The following TPP2 variants were observed in gnomAD, a reference collection of about 807,000 sequenced individuals.
The protein encoded by TPP2 is tripeptidyl-peptidase 2.
In TPP2, 34 loss-of-function variants were observed where a neutral mutation model predicts 155.9. The observed-to-expected ratio is 0.22, with a 90% CI of 0.17 to 0.29. The LOEUF (loss-of-function observed/expected upper bound fraction) is 0.29, where lower values mean the gene tolerates loss of function less well. TPP2 is among the 10% of genes least tolerant of loss of function. The pLI is 1.00. For synonymous variants in TPP2, 510 were observed against 529.4 expected, an observed-to-expected ratio of 0.96 and a Z score of 0.50; for missense variants, 1,028 against 1,522.3, an observed-to-expected ratio of 0.68 and a Z score of 5.40.
chr13:102,674,387 C>T lies in TPP2; in HGVS notation c.3476C>T (p.Ser1159Phe). Residue 1159 changes from serine to phenylalanine, a missense_variant, in exon 28 of 30, where the codon TCC becomes TTC. By Grantham distance (155) the Ser-to-Phe change is radical. Coordinates refer to ENST00000376052, the MANE Select transcript of TPP2 (RefSeq NM_001330588.2). ...ACCCAGGCTCAAGACGGAGCCATTT[C>T]CACTGATGCAGAAGGAAAGGAGGAG... ...LHTQAQDGAI[S>F]TDAEGKEEEG... The T allele has an allele frequency of 6.2e-6, 10 of 1,613,948 alleles. No homozygotes were observed. Among genetic ancestry groups the T allele is most frequent in the Non-Finnish European group, 8.5e-6 (10 of 1,179,896 alleles).
intron 27 of TPP2, among the ~76,000 whole-genome samples, chr13:102,673,975 A>G (rs527628241): frequency 6.6e-6 from 1 of 152,214 alleles, no homozygotes; most frequent in Non-Finnish European, 1.5e-5. Flanking sequence ...TTACCTGATT[A>G]AGAGTTATAT....
intron 1 of TPP2, among the ~76,000 whole-genome samples, chr13:102,600,969 CA>C (rs1438334539): frequency 4.6e-5 from 7 of 151,934 alleles, no homozygotes; most frequent in African/African-American, 1.7e-4. Context: ...CCACTCATTT[CA>C]GCCTCAAACT....
rs1239833790 is a variant in TPP2, at chr13:102,646,373, A to G, written c.2473A>G (p.Thr825Ala). Residue 825 changes from threonine to alanine, a missense_variant, in exon 20 of 30, where the codon ACA (threonine) becomes GCA (alanine). Transcript: ENST00000376052. ...NNRQLYEMVL[T>A]YNFHQPKSGE... ...CCGTCAACTTTATGAGATGGTCCTG[A>G]CATATAACTTTCATCAAGTAAGTGT... The G allele has an allele frequency of 6.2e-7, 1 of 1,612,326 alleles. No individual in the cohort carries two copies. The highest frequency in any genetic ancestry group is 8.5e-7 in the Non-Finnish European group (1 of 1,179,394).
At chr13:102,669,220 A>G (rs1402687260) in intron 27 of TPP2, among the ~76,000 whole-genome samples, 1 of 152,168 alleles carries the variant, frequency 6.6e-6, no homozygotes, top group Non-Finnish European at 1.5e-5. Flanking sequence ...TTCTGCCAGT[A>G]GTGTTGCAGG....
Position 102,647,094 on chromosome 13 carries a change from A to G in TPP2, c.2491-113A>G, listed in dbSNP as rs554424591. ...TATATTTTCAAAATTTTTTACCACAAGTATTTTTAATGTTTTTTAAATGAA... is the reference window on the plus strand; with the variant it reads ...TATATTTTCAAAATTTTTTACCACAGGTATTTTTAATGTTTTTTAAATGAA... On this transcript the variant is annotated intron_variant, in intron 20 of 29. Transcript: ENST00000376052. 3.8e-6 allele frequency: 5 copies of G among 1,310,902 alleles called. No homozygotes were observed. The Admixed American group carries it at 1.5e-4, about 39-fold the overall frequency. 81.2% of individuals were successfully genotyped at this position (1,310,902 alleles called of 1,614,324 possible). A position where few individuals can be genotyped will look rare whatever the true frequency, so the allele number is the denominator to read the frequency against.
chr13:102,623,423 C>T (rs1030610595), intron 6 of TPP2, among the ~76,000 whole-genome samples: 3 of 152,076 alleles, frequency 2.0e-5, no homozygotes, highest in Admixed American at 6.5e-5. Context: ...ATTAGCTGTG[C>T]GTGGTGGCAC....
intron 10 of TPP2, among the ~76,000 whole-genome samples, chr13:102,633,687 T>G (rs1882176222): frequency 1.3e-5 from 2 of 152,226 alleles, no homozygotes; most frequent in Non-Finnish European, 2.9e-5. Context: ...CACTGTGGCC[T>G]GTCACACATG....
chr13:102,639,391 G>A (rs758257020), intron 15 of TPP2, among the ~76,000 whole-genome samples: 3 of 152,086 alleles, frequency 2.0e-5, no homozygotes, highest in Non-Finnish European at 4.4e-5. Flanking sequence ...TTAAAAAGTG[G>A]TATACATGTG....
chr13:102,670,429 G>A (rs1241331229), intron 27 of TPP2, among the ~76,000 whole-genome samples: 1 of 152,170 alleles, frequency 6.6e-6, no homozygotes, highest in Non-Finnish European at 1.5e-5. Flanking sequence ...TAACTAGCTG[G>A]GTACAGGGAG....
At chr13:102,632,096 A>C (rs758634246) in intron 10 of TPP2, among the ~76,000 whole-genome samples, 23 of 152,340 alleles carry the variant, frequency 1.5e-4, no homozygotes, top group South Asian at 1.2e-3. Flanking sequence ...TCTACTAAAA[A>C]TATAAAATTT....
intron 2 of TPP2, among the ~76,000 whole-genome samples, chr13:102,611,666 TAAAAA>T (rs761421870): frequency 2.0e-5 from 3 of 151,642 alleles, no homozygotes; most frequent in Non-Finnish European, 2.9e-5. Context: ...CTCAAAAAAA[TAAAAA>T]AAAGACATTT....
At chr13:102,669,991 A>G (rs1243316659) in intron 27 of TPP2, among the ~76,000 whole-genome samples, 1 of 152,190 alleles carries the variant, frequency 6.6e-6, no homozygotes, top group African/African-American at 2.4e-5. Context: ...GTCACTAACC[A>G]TATTGATTGG....
intron 17 of TPP2, 51 bp downstream of exon 17, chr13:102,643,427 G>C: frequency 6.6e-7 from 1 of 1,505,812 alleles, no homozygotes; most frequent in Non-Finnish European, 8.9e-7. Flanking sequence ...TGCCTTTTTG[G>C]TATGGGCTAA....
At chr13:102,678,164 A>G in intron 29 of TPP2, 63 bp from the exon 30 acceptor site, 2 of 1,478,806 alleles carry the variant, frequency 1.4e-6, no homozygotes, top group South Asian at 2.5e-5. Context: ...AATTTATTCT[A>G]AATACTGAGC....
rs665479 is a variant in TPP2 at position 102,676,229 on chromosome 13, G to T, written c.3580-67G>T. The T allele has an allele frequency of 0.47, 626,662 of 1,347,564 alleles. 147,851 individuals carry two copies. Among genetic ancestry groups the T allele is most frequent in the African/African-American group, 0.6 (39,536 of 66,290 alleles). 83.5% of individuals were successfully genotyped at this position (1,347,564 alleles called of 1,614,324 possible). The stretch of plus-strand genomic sequence containing the variant: ...ACTTCTGTTAAAGCCTTAATTTTAT[G>T]GTTAAAGCTAATGCCTTAAAATGTA... On this transcript the variant is annotated intron_variant, in intron 28 of 29. Coordinates refer to ENST00000376052, the MANE Select transcript of TPP2 (RefSeq NM_001330588.2).
intron 8 of TPP2, among the ~76,000 whole-genome samples, chr13:102,628,906 T>G (rs1033412772): frequency 6.6e-6 from 1 of 152,208 alleles, no homozygotes; most frequent in African/African-American, 2.4e-5. Context: ...CTTACAACTT[T>G]GAAGGGTCCT....
intron 24 of TPP2, among the ~76,000 whole-genome samples, chr13:102,653,383 T>C (rs1199320029): frequency 1.3e-5 from 2 of 152,044 alleles, no homozygotes; most frequent in African/African-American, 2.4e-5. Context: ...TGCAATAATA[T>C]ATTTTCTGTT....
intron 28 of TPP2, among the ~76,000 whole-genome samples, chr13:102,675,516 T>C (rs1885231751): frequency 6.6e-6 from 1 of 152,200 alleles, no homozygotes; most frequent in Non-Finnish European, 1.5e-5. Context: ...TTTGCTGTTA[T>C]TGCAAACAAT....
At chr13:102,628,523 A>G (rs1380833638) in intron 8 of TPP2, among the ~76,000 whole-genome samples, 1 of 152,020 alleles carries the variant, frequency 6.6e-6, no homozygotes, top group Non-Finnish European at 1.5e-5. Flanking sequence ...AATCCATTCT[A>G]GTGTGTCTAG....
Sources: gnomAD v4.1 joint callset for allele counts (sites outside exome capture counted in the v4.1 genomes callset) on GRCh38, gnomAD v4.1.1 for gene constraint, MANE v1.5 for transcripts, NCBI Gene and HGNC (gene_info 2026-07-23, HGNC 2026-07-21) for gene names.